The following DHRSX variants were observed in gnomAD, a reference collection of about 807,000 sequenced individuals.
The protein encoded by DHRSX is dehydrogenase/reductase X-linked.
DHRSX carries 31 observed loss-of-function variants against 34.0 expected under a neutral mutation model. The ratio of observed to expected loss-of-function variants is 0.91; its 90% confidence interval spans 0.69 to 1.23. DHRSX has a LOEUF of 1.23. DHRSX is among the 50% of genes most tolerant of loss of function. The pLI, the probability that DHRSX is intolerant of heterozygous loss-of-function variation, is 0.00. For missense variants in DHRSX, 414 were observed against 428.1 expected (o/e 0.97, Z 0.29); for synonymous variants, 201 against 183.8 (o/e 1.09, Z -0.76).
At chrX:2,441,036 T>A (rs1231749188) in intron 1 of DHRSX, among the ~76,000 whole-genome samples, 1 of 152,186 alleles carries the variant, frequency 6.6e-6, no homozygotes. Flanking sequence ...CCAGGATGCA[T>A]GGACACTCTA....
At chrX:2,489,604 G>A (rs370706648) in intron 1 of DHRSX, 61 of 1,612,486 alleles carry the variant, frequency 3.8e-5, no homozygotes, top group East Asian at 3.3e-4. Flanking sequence ...CCAAGACCCC[G>A]GCGATGACGA....
intron 3 of DHRSX, among the ~76,000 whole-genome samples, chrX:2,346,823 C>T (rs991472106): frequency 1.4e-4 from 22 of 152,074 alleles, no homozygotes; most frequent in South Asian, 4.2e-4. Flanking sequence ...CGACAGGCCC[C>T]AGTGTGTGAT....
rs71281906 is a variant in DHRSX at position 2,460,582 on chromosome X, C to CTTTTT, written c.110-35283_110-35279dup. 2.8e-3 allele frequency among the ~76,000 whole-genome samples: 317 copies of CTTTTT among 111,878 alleles called. 5 individuals are homozygous for CTTTTT. Among genetic ancestry groups the CTTTTT allele is most frequent in the African/African-American group, 0.01 (292 of 28,442 alleles). The allele number at this position is 111,878 out of a possible 152,430, so 73.4% of individuals were successfully genotyped here. A position where few individuals can be genotyped will look rare whatever the true frequency, so the allele number is the denominator to read the frequency against. ...CACACACGTGTGCCACCACGTCTGG[C>CTTTTT]TTTTTTTTTTTTTTTTAGAGACAGC... On this transcript the variant is annotated intron_variant, in intron 1 of 6. Transcript: ENST00000334651.
chrX:2,428,813 A>G (rs1449985413), intron 1 of DHRSX, among the ~76,000 whole-genome samples: 2 of 152,106 alleles, frequency 1.3e-5, no homozygotes, highest in East Asian at 3.9e-4. Flanking sequence ...TTTCCATTTC[A>G]CCTTTCCAAG....
intron 3 of DHRSX, among the ~76,000 whole-genome samples, chrX:2,332,250 A>G (rs1468273230): frequency 6.6e-6 from 1 of 152,166 alleles, no homozygotes; most frequent in Non-Finnish European, 1.5e-5. Context: ...GAGAAAACAC[A>G]AACAGACTGA....
intron 5 of DHRSX, among the ~76,000 whole-genome samples, chrX:2,265,647 A>C (rs1248094697): frequency 7.1e-6 from 1 of 140,692 alleles, no homozygotes. Context: ...TGTACAGCAG[A>C]CGCAGGGAGC....
chrX:2,394,768 AG>A (rs2043388089), intron 3 of DHRSX, among the ~76,000 whole-genome samples: 1 of 151,876 alleles, frequency 6.6e-6, no homozygotes. Flanking sequence ...CAGTAGGCTG[AG>A]GCGGGAGAAT....
chrX:2,450,436 T>G lies in DHRSX; in HGVS notation c.110-25132A>C, dbSNP rs754104964. Among the ~76,000 whole-genome samples, 5 of 152,166 alleles carry G rather than the reference T, an allele frequency of 3.3e-5. No homozygotes were observed. The East Asian group carries it at 9.6e-4, about 29-fold the overall frequency. ...AAGATCGCGTCACTGTACTCCAGGC[T>G]TGGCAACAAGAGCAAAACTCTGTCT... On this transcript the variant is annotated intron_variant, in intron 1 of 6. Transcript: ENST00000334651.
rs182096085 is a variant in DHRSX at position 2,284,028 on chromosome X, A to G, written c.388+7474T>C. 4.0e-3 allele frequency among the ~76,000 whole-genome samples: 612 copies of G among 151,644 alleles called. 3 individuals are homozygous for G. The highest frequency in any genetic ancestry group is 0.017 in the Middle Eastern group (5 of 290). On this transcript the variant is annotated intron_variant, in intron 4 of 6. Coordinates refer to ENST00000334651, the MANE Select transcript of DHRSX (RefSeq NM_145177.3). ...TTCATTCATTCCTCTGAATTTATTC[A>G]TTCCTTTGAATTCATTCGTTCCTTT...
chrX:2,337,137 C>T (rs1212944856), intron 3 of DHRSX, among the ~76,000 whole-genome samples: 2 of 152,106 alleles, frequency 1.3e-5, no homozygotes, highest in Admixed American at 1.3e-4. Flanking sequence ...CCAGAAAAGC[C>T]AACAAAGCTA....
chrX:2,327,877 G>A (rs1392286659), intron 3 of DHRSX, among the ~76,000 whole-genome samples: 2 of 152,038 alleles, frequency 1.3e-5, no homozygotes, highest in African/African-American at 2.4e-5. Context: ...TCAGGTGATC[G>A]AGACCATCCT....
chrX:2,311,845 G>A (rs2042169168), intron 3 of DHRSX, among the ~76,000 whole-genome samples: 1 of 152,072 alleles, frequency 6.6e-6, no homozygotes, highest in Non-Finnish European at 1.5e-5. Flanking sequence ...TCGATTTAAT[G>A]GTCTGAGTTG....
chrX:2,290,018 C>G (rs1454343654), intron 4 of DHRSX, among the ~76,000 whole-genome samples: 1 of 152,176 alleles, frequency 6.6e-6, no homozygotes, highest in Non-Finnish European at 1.5e-5. Context: ...TATGTCTGCA[C>G]GTATTTTTAT....
intron 3 of DHRSX, among the ~76,000 whole-genome samples, chrX:2,330,174 GAGGAGGAGGAGAAGC>G (rs2042446820): frequency 1.4e-5 from 2 of 144,772 alleles, no homozygotes; most frequent in South Asian, 2.3e-4. Flanking sequence ...GGAGGTGAAA[GAGGAGGAGGAGAAGC>G]AGGAGGAGGG....
intron 1 of DHRSX, among the ~76,000 whole-genome samples, chrX:2,486,099 G>A (rs886481901): frequency 3.9e-5 from 6 of 151,974 alleles, no homozygotes; most frequent in Admixed American, 1.3e-4. Context: ...AGGCTGCCTC[G>A]TCCATGGGGC....
chrX:2,297,159 G>A (rs1208957444), intron 3 of DHRSX, among the ~76,000 whole-genome samples: 3 of 152,320 alleles, frequency 2.0e-5, no homozygotes, highest in Admixed American at 2.0e-4. Context: ...GTCTCGTTCT[G>A]TCACCCAGGC....
rs1349382548 is a variant in DHRSX, at chrX:2,276,982, AG to A, written c.389-10036del. Reference sequence around the variant, plus strand: ...AGAAGGAAGAGGAGGAAATGGGGGAAGAGAGAGAAAGAGAGATGGAGAGGGA... The same window carrying A: ...AGAAGGAAGAGGAGGAAATGGGGGAAAGAGAGAAAGAGAGATGGAGAGGGA... On this transcript the variant is annotated intron_variant, in intron 4 of 6. Coordinates refer to ENST00000334651, the MANE Select transcript of DHRSX (RefSeq NM_145177.3). Among the ~76,000 whole-genome samples, 30 of 9,956 alleles carry A rather than the reference AG, an allele frequency of 3.0e-3. 2 individuals are homozygous for A. The highest frequency in any genetic ancestry group is 3.6e-3 in the East Asian group (2 of 562). 6.5% of individuals were successfully genotyped at this position (9,956 alleles called of 152,430 possible).
chrX:2,481,049 T>C (rs1246080098), intron 1 of DHRSX, among the ~76,000 whole-genome samples: 2 of 152,174 alleles, frequency 1.3e-5, no homozygotes, highest in African/African-American at 2.4e-5. Context: ...TTAATTAGCT[T>C]GAATGTTAAT....
At chrX:2,299,562 T>C (rs1183295278) in intron 3 of DHRSX, among the ~76,000 whole-genome samples, 1 of 152,070 alleles carries the variant, frequency 6.6e-6, no homozygotes, top group Admixed American at 6.6e-5. Context: ...CTCAAGAAGA[T>C]AACCTCATCT....
Sources: gnomAD v4.1 joint callset for allele counts (sites outside exome capture counted in the v4.1 genomes callset) on GRCh38, gnomAD v4.1.1 for gene constraint, MANE v1.5 for transcripts, NCBI Gene and HGNC (gene_info 2026-07-23, HGNC 2026-07-21) for gene names.